The following CDH18 variants were observed in gnomAD, a reference collection of about 807,000 sequenced individuals.
CDH18 encodes the protein cadherin 18.
Under a neutral mutation model 67.9 loss-of-function variants are expected in CDH18, and 31 were observed. The observed-to-expected ratio is 0.46, with a 90% CI of 0.34 to 0.62. The LOEUF (loss-of-function observed/expected upper bound fraction) is 0.62, where lower values mean the gene tolerates loss of function less well. CDH18 is among the 20% of genes least tolerant of loss of function. CDH18 has a pLI of 0.01. For missense variants in CDH18, 890 were observed against 975.5 expected, an observed-to-expected ratio of 0.91 and a Z score of 1.17; for synonymous variants, 362 against 347.2, an observed-to-expected ratio of 1.04 and a Z score of -0.48.
chr5:20,469,317 C>T (rs920864050), intron 1 of CDH18, among the ~76,000 whole-genome samples: 13 of 151,900 alleles, frequency 8.6e-5, no homozygotes, highest in African/African-American at 2.7e-4. Flanking sequence ...TATTGACATT[C>T]AAAAGACGTT....
intron 3 of CDH18, among the ~76,000 whole-genome samples, chr5:19,810,492 T>A (rs1469213323): frequency 6.6e-6 from 1 of 151,906 alleles, no homozygotes; most frequent in Non-Finnish European, 1.5e-5. Flanking sequence ...AGATAAAACT[T>A]AAGAAATTAT....
intron 1 of CDH18, among the ~76,000 whole-genome samples, chr5:20,459,767 T>C (rs575011809): frequency 1.1e-3 from 172 of 152,288 alleles, no homozygotes; most frequent in African/African-American, 4.1e-3. Flanking sequence ...TTCATGGTGA[T>C]TGGTGGGAAA....
chr5:19,545,007 A>G (rs1736075452), intron 8 of CDH18, among the ~76,000 whole-genome samples: 1 of 152,098 alleles, frequency 6.6e-6, no homozygotes, highest in African/African-American at 2.4e-5. Flanking sequence ...TTTTGGAGTT[A>G]TGTGTTATTT....
At chr5:20,385,418 A>T (rs922327753) in intron 1 of CDH18, among the ~76,000 whole-genome samples, 4 of 152,122 alleles carry the variant, frequency 2.6e-5, no homozygotes, top group African/African-American at 9.7e-5. Context: ...ATCTACATGA[A>T]ACAATACCCA....
chr5:19,840,299 A>AC (rs1463783310), intron 2 of CDH18, among the ~76,000 whole-genome samples: 2 of 151,516 alleles, frequency 1.3e-5, no homozygotes, highest in Non-Finnish European at 2.9e-5. Flanking sequence ...AAAAAAAAAA[A>AC]AACAACACGT....
intron 2 of CDH18, among the ~76,000 whole-genome samples, chr5:20,024,789 G>A (rs763848527): frequency 5.9e-5 from 9 of 152,100 alleles, no homozygotes; most frequent in Non-Finnish European, 1.0e-4. Context: ...AGAGTTTCTC[G>A]GGGATAAACC....
At chr5:20,006,521 A>G (rs1391719012) in intron 2 of CDH18, among the ~76,000 whole-genome samples, 3 of 151,966 alleles carry the variant, frequency 2.0e-5, no homozygotes, top group Non-Finnish European at 4.4e-5. Flanking sequence ...TGCTCATTAA[A>G]ATGATAATTA....
chr5:19,875,775 A>AT (rs1172018183), intron 2 of CDH18, among the ~76,000 whole-genome samples: 1 of 151,974 alleles, frequency 6.6e-6, no homozygotes, highest in African/African-American at 2.4e-5. Flanking sequence ...AATTCTTTGT[A>AT]TTTTTAAAAT....
At chr5:20,446,082 C>G (rs1489809149) in intron 1 of CDH18, among the ~76,000 whole-genome samples, 1 of 152,026 alleles carries the variant, frequency 6.6e-6, no homozygotes, top group African/African-American at 2.4e-5. Context: ...TTAAGAAAAG[C>G]CCACTCAGGG....
intron 1 of CDH18, among the ~76,000 whole-genome samples, chr5:20,543,677 T>C (rs1284778974): frequency 2.6e-5 from 4 of 152,174 alleles, no homozygotes; most frequent in African/African-American, 9.6e-5. Flanking sequence ...TTGTCACTAC[T>C]AAATATGTGC....
chr5:19,538,953 C>G (rs1388923807), intron 9 of CDH18, among the ~76,000 whole-genome samples: 1 of 152,140 alleles, frequency 6.6e-6, no homozygotes, highest in Non-Finnish European at 1.5e-5. Context: ...GAAAAAGTAC[C>G]AGCTACCCTT....
At chr5:20,101,851 GT>G (rs1746496511) in intron 2 of CDH18, among the ~76,000 whole-genome samples, 1 of 152,104 alleles carries the variant, frequency 6.6e-6, no homozygotes, top group South Asian at 2.1e-4. Context: ...AGGCGGGCGG[GT>G]CACAAGGTCA....
chr5:19,750,749 T>C (rs995019162), intron 3 of CDH18, among the ~76,000 whole-genome samples: 5 of 116,884 alleles, frequency 4.3e-5, no homozygotes, highest in African/African-American at 1.5e-4. Flanking sequence ...ATTTTAGTCA[T>C]ATACAGTGAA....
chr5:19,939,490 C>T (rs1304715755), intron 2 of CDH18, among the ~76,000 whole-genome samples: 1 of 151,492 alleles, frequency 6.6e-6, no homozygotes, highest in South Asian at 2.1e-4. Context: ...CTGATTTCAC[C>T]ACTGCATCAC....
chr5:20,343,007 C>T (rs2150046111), intron 1 of CDH18, among the ~76,000 whole-genome samples: 1 of 152,106 alleles, frequency 6.6e-6, no homozygotes, highest in Middle Eastern at 3.4e-3. Flanking sequence ...TTTGAAGAGC[C>T]CTATAATTGC....
chr5:20,561,238 G>A (rs544343296), intron 1 of CDH18, among the ~76,000 whole-genome samples: 1 of 152,164 alleles, frequency 6.6e-6, no homozygotes, highest in Non-Finnish European at 1.5e-5. Context: ...TTGCAATCTA[G>A]AGTCATGTTC....
chr5:20,406,586 A>C (rs74677857), intron 1 of CDH18, among the ~76,000 whole-genome samples: 14 of 150,154 alleles, frequency 9.3e-5, no homozygotes, highest in Admixed American at 6.7e-5. Context: ...TAAAAAAAAA[A>C]GTCCTGTAGA....
At chr5:20,250,369 G>A (rs934347130) in intron 2 of CDH18, among the ~76,000 whole-genome samples, 1 of 150,150 alleles carries the variant, frequency 6.7e-6, no homozygotes, top group Admixed American at 6.6e-5. Context: ...CAAGGCTCAC[G>A]GCAACCTCCG....
At chr5:19,699,622 G>GTGTGTGTGTGTGTCTGTGTC (rs1762958730) in intron 5 of CDH18, among the ~76,000 whole-genome samples, 2 of 115,834 alleles carry the variant, frequency 1.7e-5, no homozygotes, top group African/African-American at 7.2e-5. Flanking sequence ...ATGTGTGTGT[G>GTGTGTGTGTGTGTCTGTGTC]TGTGTGTGTG....
Sources: allele counts gnomAD v4.1 joint callset (sites outside exome capture counted in the v4.1 genomes callset), GRCh38; gene constraint gnomAD v4.1.1; transcripts MANE v1.5; gene names NCBI Gene and HGNC (gene_info 2026-07-23, HGNC 2026-07-21).